Variants in CNTNAP5 observed in about 807,000 individuals in gnomAD.
The protein encoded by CNTNAP5 is contactin associated protein family member 5.
In CNTNAP5, 72 loss-of-function variants were observed where a neutral mutation model predicts 150.2. That is an observed-to-expected ratio of 0.48 (90% CI 0.40 to 0.58). The LOEUF is 0.58. Among genes scored for constraint, CNTNAP5 ranks in the 20% least tolerant of loss-of-function variants. The pLI, the probability that CNTNAP5 is intolerant of heterozygous loss-of-function variation, is 0.00. For synonymous variants in CNTNAP5, 672 were observed against 619.8 expected, an observed-to-expected ratio of 1.08 and a Z score of -1.25; for missense variants, 1,636 against 1,626.2, an observed-to-expected ratio of 1.01 and a Z score of -0.10.
intron 11 of CNTNAP5, among the ~76,000 whole-genome samples, chr2:124,574,345 G>C (rs1417238420): frequency 2.0e-5 from 3 of 152,180 alleles, no homozygotes; most frequent in African/African-American, 7.2e-5. Context: ...AAACTGTTTT[G>C]ATTTGCTCTA....
intron 7 of CNTNAP5, among the ~76,000 whole-genome samples, chr2:124,500,175 C>T (rs767886798): frequency 1.3e-5 from 2 of 152,130 alleles, no homozygotes; most frequent in Admixed American, 6.5e-5. Flanking sequence ...AATTTTAATA[C>T]TAATCTCATC....
At chr2:124,615,550 A>G (rs907227491) in intron 12 of CNTNAP5, among the ~76,000 whole-genome samples, 1 of 152,140 alleles carries the variant, frequency 6.6e-6, no homozygotes, top group Non-Finnish European at 1.5e-5. Context: ...TTTCCACCAA[A>G]TCTGCAGTTA....
intron 6 of CNTNAP5, among the ~76,000 whole-genome samples, chr2:124,459,677 G>A (rs1693202403): frequency 6.7e-6 from 1 of 148,732 alleles, no homozygotes; most frequent in Non-Finnish European, 1.5e-5. Context: ...AAAATCTCTT[G>A]AACCTGGGAG....
intron 10 of CNTNAP5, among the ~76,000 whole-genome samples, chr2:124,541,609 A>C (rs1472980321): frequency 6.6e-6 from 1 of 152,144 alleles, no homozygotes; most frequent in Non-Finnish European, 1.5e-5. Context: ...CCCACGCACT[A>C]GGGGGATAAA....
chr2:124,733,173 T>C (rs144470866), intron 13 of CNTNAP5, among the ~76,000 whole-genome samples: 1 of 151,976 alleles, frequency 6.6e-6, no homozygotes, highest in South Asian at 2.1e-4. Context: ...CATAGCACAG[T>C]AGGTAATAAA....
chr2:124,563,858 G>C (rs10210796), intron 11 of CNTNAP5, among the ~76,000 whole-genome samples: 2,480 of 152,290 alleles, frequency 0.016, 64 homozygotes, highest in African/African-American at 0.056. Flanking sequence ...GGGAAACATG[G>C]GCTAGCTTTT....
chr2:124,883,894 G>A (rs1177916849), intron 21 of CNTNAP5, among the ~76,000 whole-genome samples: 5 of 152,092 alleles, frequency 3.3e-5, no homozygotes, highest in Non-Finnish European at 4.4e-5. Flanking sequence ...GTCTGTGTGT[G>A]TACAGGCACA....
At chr2:124,733,254 A>T (rs1280106423) in intron 13 of CNTNAP5, among the ~76,000 whole-genome samples, 1 of 152,164 alleles carries the variant, frequency 6.6e-6, no homozygotes. Flanking sequence ...TTGATATTGT[A>T]TAAAGAAATT....
At chr2:124,576,426 G>T (rs1185978771) in intron 11 of CNTNAP5, among the ~76,000 whole-genome samples, 1 of 152,056 alleles carries the variant, frequency 6.6e-6, no homozygotes, top group Non-Finnish European at 1.5e-5. Context: ...TTTCATTACT[G>T]CATGTTTACT....
chr2:124,822,579 T>C (rs1682513186), intron 19 of CNTNAP5, among the ~76,000 whole-genome samples: 1 of 152,154 alleles, frequency 6.6e-6, no homozygotes, highest in Non-Finnish European at 1.5e-5. Context: ...CCAGAAGTCA[T>C]TTAGTCTTTT....
chr2:124,128,663 A>G (rs1683773063), intron 1 of CNTNAP5, among the ~76,000 whole-genome samples: 1 of 152,184 alleles, frequency 6.6e-6, no homozygotes, highest in African/African-American at 2.4e-5. Context: ...AACCAACCCA[A>G]ATGTCCATCA....
At chr2:124,824,404 T>G (rs1682551736) in intron 19 of CNTNAP5, among the ~76,000 whole-genome samples, 1 of 152,184 alleles carries the variant, frequency 6.6e-6, no homozygotes, top group African/African-American at 2.4e-5. Context: ...TCTGACTGTT[T>G]GATTAAAAGA....
intron 2 of CNTNAP5, among the ~76,000 whole-genome samples, chr2:124,226,573 CT>C (rs1686465230): frequency 6.6e-6 from 1 of 151,740 alleles, no homozygotes; most frequent in Non-Finnish European, 1.5e-5. Context: ...TTTTTTAATT[CT>C]TTTTCTTTTT....
chr2:124,764,010 AAGCCTCTT>A lies in CNTNAP5; in HGVS notation c.2398_2405del (p.Ala800ProfsTer19). ...TGGAACGCCGTCTCATTTTATACAG[AAGCCTCTT>A]ACCTCCACTTTCCTACCTTCCATGC... On this transcript the variant is annotated frameshift_variant, in exon 16 of 24. Coordinates refer to ENST00000682447, the MANE Select transcript of CNTNAP5 (RefSeq NM_001367498.1). LOFTEE classifies it high-confidence loss of function. The A allele has an allele frequency of 6.2e-7, 1 of 1,612,962 alleles. No individual in the cohort carries two copies. Among genetic ancestry groups the A allele is most frequent in the Non-Finnish European group, 8.5e-7 (1 of 1,179,410 alleles).
At chr2:124,788,062 A>G (rs1176226036) in intron 17 of CNTNAP5, among the ~76,000 whole-genome samples, 1 of 152,212 alleles carries the variant, frequency 6.6e-6, no homozygotes, top group Admixed American at 6.5e-5. Context: ...TCACTCATCC[A>G]TATGTGTAGA....
At chr2:124,862,209 T>G (rs1677541095) in intron 19 of CNTNAP5, among the ~76,000 whole-genome samples, 1 of 152,182 alleles carries the variant, frequency 6.6e-6, no homozygotes, top group African/African-American at 2.4e-5. Context: ...TCTGTTTATA[T>G]GAACAAAAAA....
At chr2:124,166,761 T>G (rs894359744) in intron 1 of CNTNAP5, among the ~76,000 whole-genome samples, 4 of 152,124 alleles carry the variant, frequency 2.6e-5, no homozygotes, top group Non-Finnish European at 4.4e-5. Context: ...ATTAGAACAT[T>G]TATATGAACA....
chr2:124,745,428 C>T (rs1680584114), intron 13 of CNTNAP5, among the ~76,000 whole-genome samples: 1 of 152,088 alleles, frequency 6.6e-6, no homozygotes, highest in Admixed American at 6.5e-5. Context: ...CAAAATGCTT[C>T]ACCCTCATGC....
chr2:124,632,152 C>T (rs986089925), intron 12 of CNTNAP5, among the ~76,000 whole-genome samples: 1 of 152,122 alleles, frequency 6.6e-6, no homozygotes, highest in African/African-American at 2.4e-5. Context: ...GGCAATTCCT[C>T]AAAGACTTAG....
Sources: allele counts gnomAD v4.1 joint callset (sites outside exome capture counted in the v4.1 genomes callset), GRCh38; gene constraint gnomAD v4.1.1; transcripts MANE v1.5; gene names NCBI Gene and HGNC (gene_info 2026-07-23, HGNC 2026-07-21).